The following ZDHHC15 variants were observed in gnomAD, a reference collection of about 807,000 sequenced individuals.
ZDHHC15 encodes palmitoyltransferase ZDHHC15.
Under a neutral mutation model 31.7 loss-of-function variants are expected in ZDHHC15, and 19 were observed. That is an observed-to-expected ratio of 0.60 (90% confidence interval 0.42 to 0.88). ZDHHC15 has a LOEUF of 0.88. Ranked by LOEUF, ZDHHC15 falls within the 40% of genes least tolerant of loss-of-function variation. ZDHHC15 has a pLI of 0.00. For missense variants in ZDHHC15, 209 were observed against 251.2 expected, an observed-to-expected ratio of 0.83 and a Z score of 1.14; for synonymous variants, 103 against 90.0, an observed-to-expected ratio of 1.14 and a Z score of -0.82.
At position 75,407,100 on chromosome X, in the gene ZDHHC15, G is replaced by A. The variant is rs188322136; in HGVS notation, c.967+9987C>T. Among the ~76,000 whole-genome samples, 908 of 112,222 alleles carry A rather than the reference G, an allele frequency of 8.1e-3. 11 individuals carry two copies. The highest frequency in any genetic ancestry group is 0.027 in the African/African-American group (830 of 30,910). The stretch of plus-strand genomic sequence containing the variant: ...CCGAGATTGCAGCCTCTGCCCAGCC[G>A]CTACCCCGTATGGGAAGTGAGGAGC... On this transcript the variant is annotated intron_variant, in intron 10 of 11. Transcript: ENST00000373367.
intron 1 of ZDHHC15, among the ~76,000 whole-genome samples, chrX:75,508,242 C>A (rs1024123364): frequency 1.9e-5 from 2 of 106,497 alleles, no homozygotes; most frequent in African/African-American, 6.9e-5. Context: ...GTATGGTGCA[C>A]CCATTAACTC....
At chrX:75,500,227 T>C (rs1469908623) in intron 2 of ZDHHC15, among the ~76,000 whole-genome samples, 1 of 108,789 alleles carries the variant, frequency 9.2e-6, no homozygotes, top group Non-Finnish European at 1.9e-5. Context: ...AAAGTACTTA[T>C]CCATGTAATC....
intron 3 of ZDHHC15, among the ~76,000 whole-genome samples, chrX:75,454,669 A>T (rs998077987): frequency 9.0e-6 from 1 of 111,650 alleles, no homozygotes; most frequent in Non-Finnish European, 1.9e-5. Context: ...TTGATTTGGG[A>T]CAAGTTAACG....
Position 75,457,700 on chromosome X carries a change from G to A in ZDHHC15, c.259-6778C>T, listed in dbSNP as rs982400751. 2.7e-5 allele frequency among the ~76,000 whole-genome samples: 3 copies of A among 109,425 alleles called. No homozygotes were observed. In the Admixed American group the frequency reaches 3.0e-4, roughly 11 times the overall value. ...ACACACAGAGTCTCTGATACACAGA[G>A]TCAGCCTTCCCTATGTATGGTTCCA... On this transcript the variant is annotated intron_variant, in intron 3 of 11. Coordinates refer to ENST00000373367, the MANE Select transcript of ZDHHC15 (RefSeq NM_144969.3).
chrX:75,424,613 A>T (rs764511227), intron 8 of ZDHHC15, 39 bp downstream of exon 8: 2 of 1,165,335 alleles, frequency 1.7e-6, no homozygotes, highest in East Asian at 3.0e-5. Context: ...TCTGATACAC[A>T]TTAATATGTT....
At chrX:75,420,301 A>G (rs889754425) in intron 9 of ZDHHC15, among the ~76,000 whole-genome samples, 6 of 111,295 alleles carry the variant, frequency 5.4e-5, no homozygotes, top group Admixed American at 2.9e-4. Context: ...AAAGTCAGGA[A>G]ACAACAGATG....
At chrX:75,413,702 A>G (rs2083512399) in intron 10 of ZDHHC15, among the ~76,000 whole-genome samples, 1 of 110,599 alleles carries the variant, frequency 9.0e-6, no homozygotes, top group Non-Finnish European at 1.9e-5. Flanking sequence ...CAAAAACAAA[A>G]CAAAACAAAA....
rs180967016 is a variant in ZDHHC15, at chrX:75,499,995, G to T, written c.163+5826C>A. On this transcript the variant is annotated intron_variant, in intron 2 of 11. Coordinates refer to ENST00000373367, the MANE Select transcript of ZDHHC15 (RefSeq NM_144969.3). ...GATAATGGCATTTTATCTGGATGGA[G>T]TTGGAGACCATTATTCTAAGTGAAG... 7.0e-4 allele frequency among the ~76,000 whole-genome samples: 78 copies of T among 111,572 alleles called. No individual in the cohort carries two copies. The East Asian group carries it at 0.014, about 21-fold the overall frequency.
chrX:75,496,463 C>A (rs950737557), intron 2 of ZDHHC15, among the ~76,000 whole-genome samples: 1 of 111,107 alleles, frequency 9.0e-6, no homozygotes, highest in African/African-American at 3.3e-5. Flanking sequence ...AGAAAGCCAA[C>A]AAAGAAACAA....
intron 11 of ZDHHC15, among the ~76,000 whole-genome samples, chrX:75,377,482 T>A (rs2083072575): frequency 1.1e-5 from 1 of 93,251 alleles, no homozygotes; most frequent in African/African-American, 3.6e-5. Flanking sequence ...GGCAACAGAG[T>A]GAGACTCCAT....
rs189388582 is a variant in ZDHHC15 at position 75,434,714 on chromosome X, G to C, written c.380-3194C>G. Reference sequence around the variant, plus strand: ...GGTCTATGCACCTATTTTTATACCTGTACCATGCTGCTTTGGTGACTATAG... The same window carrying C: ...GGTCTATGCACCTATTTTTATACCTCTACCATGCTGCTTTGGTGACTATAG... On this transcript the variant is annotated intron_variant, in intron 4 of 11. Transcript: ENST00000373367. Among the ~76,000 whole-genome samples, 243 of 112,143 alleles carry C rather than the reference G, an allele frequency of 2.2e-3. 1 individual carries two copies. The highest frequency in any genetic ancestry group is 3.5e-3 in the Non-Finnish European group (185 of 53,240).
At chrX:75,414,462 C>T (rs1324442111) in intron 10 of ZDHHC15, among the ~76,000 whole-genome samples, 2 of 91,276 alleles carry the variant, frequency 2.2e-5, no homozygotes, top group Non-Finnish European at 4.2e-5. Context: ...CACAGTCTCG[C>T]TCTGTCGCAC....
In ZDHHC15 at chrX:75,522,917, G is replaced by A. The variant is rs1231417092; in HGVS notation, c.108C>T (p.Tyr36=). 1 of 1,210,086 alleles carries A rather than the reference G, an allele frequency of 8.3e-7. No homozygotes were observed. Among genetic ancestry groups the A allele is most frequent in the East Asian group, 3.0e-5 (1 of 33,709 alleles). ...LVIVLVVLWS[Y]YAYVFELCLV... ...GGCAGAGTTCAAAGACGTAGGCATA[G>A]TAGGACCAGAGCACGACGAGGACAA... is the stretch of plus-strand genomic sequence containing the variant. The change falls in exon 1 of 12, where the codon TAC becomes TAT. Residue 36 remains tyrosine, a synonymous_variant. Transcript: ENST00000373367.
At chrX:75,519,291 T>G (rs1017884393) in intron 1 of ZDHHC15, among the ~76,000 whole-genome samples, 1 of 111,983 alleles carries the variant, frequency 8.9e-6, no homozygotes, top group East Asian at 2.8e-4. Context: ...GGAAGAATCC[T>G]TTATTTCTTT....
At chrX:75,495,293 G>A (rs2084974052) in intron 2 of ZDHHC15, among the ~76,000 whole-genome samples, 1 of 111,732 alleles carries the variant, frequency 8.9e-6, no homozygotes, top group Non-Finnish European at 1.9e-5. Context: ...AGGTGCTGGA[G>A]AGGATGTGGA....
At chrX:75,377,551 C>T (rs1016428574) in intron 11 of ZDHHC15, among the ~76,000 whole-genome samples, 2 of 110,223 alleles carry the variant, frequency 1.8e-5, no homozygotes, top group Non-Finnish European at 3.8e-5. Flanking sequence ...CAAAATGAAT[C>T]ACTTTATTAA....
At chrX:75,456,876 C>T (rs1160820562) in intron 3 of ZDHHC15, among the ~76,000 whole-genome samples, 1 of 111,150 alleles carries the variant, frequency 9.0e-6, no homozygotes, top group South Asian at 3.8e-4. Context: ...AGGTTCAAGT[C>T]CCAACCACTT....
At chrX:75,418,733 T>C (rs186937254) in intron 9 of ZDHHC15, among the ~76,000 whole-genome samples, 19 of 111,868 alleles carry the variant, frequency 1.7e-4, no homozygotes, top group African/African-American at 5.8e-4. Context: ...ACAAATGGTG[T>C]TGGGAAAACT....
chrX:75,508,276 C>A (rs2085200136), intron 1 of ZDHHC15, among the ~76,000 whole-genome samples: 1 of 94,550 alleles, frequency 1.1e-5, no homozygotes, highest in African/African-American at 3.9e-5. Flanking sequence ...GGTATATCTC[C>A]TAATGCTATC....
Sources: gnomAD v4.1 joint callset for allele counts (sites outside exome capture counted in the v4.1 genomes callset) on GRCh38, gnomAD v4.1.1 for gene constraint, MANE v1.5 for transcripts, NCBI Gene and HGNC (gene_info 2026-07-23, HGNC 2026-07-21) for gene names.